RABL2B: variants seen among roughly 807,000 people sequenced by gnomAD.
RABL2B encodes the protein rab-like protein 2B.
A neutral mutation model predicts 26.7 loss-of-function variants in RABL2B; 17 were observed. The ratio of observed to expected loss-of-function variants is 0.64; its 90% CI spans 0.44 to 0.95. RABL2B has a LOEUF of 0.95. Among genes scored for constraint, RABL2B ranks in the 40% least tolerant of loss-of-function variants. RABL2B has a pLI of 0.00. For synonymous variants in RABL2B, 70 were observed against 103.9 expected (o/e 0.67, Z 1.99); for missense variants, 170 against 277.2 (o/e 0.61, Z 2.75).
At chr22:50,769,725 G>C in intron 6 of RABL2B, 173 bp from the exon 7 acceptor site, 1 of 1,095,226 alleles carries the variant, frequency 9.1e-7, no homozygotes, top group Non-Finnish European at 1.3e-6. Flanking sequence ...AAGAGGGCAG[G>C]TCGGCTTAGC....
In RABL2B at chr22:50,767,776, A is replaced by G. The variant is rs2083612234; in HGVS notation, c.*1000T>C. ...TAAAGGAAGCTCTTCTTGTAGTCCA[A>G]ATGGACGTACCTTGTGGTATGGCTG... is the stretch of plus-strand genomic sequence containing the variant. On this transcript the variant is annotated 3_prime_UTR_variant, in exon 9 of 9. Coordinates refer to ENST00000691320, the MANE Select transcript of RABL2B (RefSeq NM_001130919.3). The G allele has an allele frequency of 2.2e-6, 1 of 453,760 alleles. No homozygotes were observed. The highest frequency in any genetic ancestry group is 4.4e-6 in the Non-Finnish European group (1 of 226,182). The allele number at this position is 453,760 out of a possible 1,614,324, so 28.1% of individuals were successfully genotyped here. A position where few individuals can be genotyped will look rare whatever the true frequency, so the allele number is the denominator to read the frequency against.
intron 2 of RABL2B, 86 bp downstream of exon 2, chr22:50,782,102 G>A: frequency 7.9e-6 from 6 of 756,490 alleles, no homozygotes; most frequent in South Asian, 3.7e-5. Context: ...GCCCCAAGAA[G>A]CCATGCTCCT....
chr22:50,777,474 A>C (rs1285705094), intron 3 of RABL2B, among the ~76,000 whole-genome samples: 2 of 142,400 alleles, frequency 1.4e-5, no homozygotes, highest in Admixed American at 1.4e-4. Flanking sequence ...AAAATCTCCC[A>C]GTTGCGGGGA....
rs547279555 is a variant in RABL2B, at chr22:50,776,254, T to G, written c.218-403A>C. Among the ~76,000 whole-genome samples the G allele has an allele frequency of 2.6e-4, 39 of 152,282 alleles. 1 individual carries two copies. The East Asian group carries it at 6.6e-3, about 26-fold the overall frequency. ...CTGTGTGCCCGGCCAAGGAGAAGAT[T>G]ATGACCCGATGGAAGGTCGCAGCCC... is the stretch of plus-strand genomic sequence containing the variant. On this transcript the variant is annotated intron_variant, in intron 4 of 8. Coordinates refer to ENST00000691320, the MANE Select transcript of RABL2B (RefSeq NM_001130919.3).
chr22:50,772,416 G>A, intron 5 of RABL2B: 1 of 985,786 alleles, frequency 1.0e-6, no homozygotes, highest in Non-Finnish European at 1.2e-6. Flanking sequence ...CAACTGAGCT[G>A]CTGCTACAGT....
intron 3 of RABL2B, among the ~76,000 whole-genome samples, chr22:50,777,192 G>A (rs1208438443): frequency 2.0e-5 from 3 of 152,178 alleles, no homozygotes; most frequent in African/African-American, 7.2e-5. Flanking sequence ...AATCAATTTG[G>A]AGTCTGTCTA....
rs1405972731 is a variant in RABL2B, at chr22:50,768,132, C to T, written c.*644G>A. 28 of 194,600 alleles carry T rather than the reference C, an allele frequency of 1.4e-4. No homozygotes were observed. Among genetic ancestry groups the T allele is most frequent in the Non-Finnish European group, 2.6e-4 (24 of 93,346 alleles). The allele number at this position is 194,600 out of a possible 1,614,324, so 12.1% of individuals were successfully genotyped here. Reference sequence around the variant, plus strand: ...GCTGGGCGTGGTGATGCCAGCCACTCGGGAGGCTGAGGCAGGAGAATCGTT... The same window carrying T: ...GCTGGGCGTGGTGATGCCAGCCACTTGGGAGGCTGAGGCAGGAGAATCGTT... On this transcript the variant is annotated 3_prime_UTR_variant, in exon 9 of 9. Transcript: ENST00000691320.
rs2084902319 is a variant in RABL2B, at chr22:50,775,858, T to C, written c.218-7A>G. 3.1e-6 allele frequency: 5 copies of C among 1,614,204 alleles called. No individual in the cohort carries two copies. Among genetic ancestry groups the C allele is most frequent in the Non-Finnish European group, 3.4e-6 (4 of 1,180,040 alleles). ...CCTGCCGTGTCCCAAAAGTCTGCAA[T>C]GTGAACACAGACAGACCTACATGCC... On this transcript the variant is annotated splice_region_variant and splice_polypyrimidine_tract_variant and intron_variant, in intron 4 of 8. Transcript: ENST00000691320.
At position 50,769,561 on chromosome 22, in the gene RABL2B, A is replaced by G; in HGVS notation, c.410-9T>C. 1 of 1,610,208 alleles carries G rather than the reference A, an allele frequency of 6.2e-7. No homozygotes were observed. The highest frequency in any genetic ancestry group is 1.1e-5 in the South Asian group (1 of 91,020). ...GGTCACGTTTATGTCTGCTGTAGAGAGAAGGTAGGACATTGGTCTGTCTGT... is the reference window on the plus strand; with the variant it reads ...GGTCACGTTTATGTCTGCTGTAGAGGGAAGGTAGGACATTGGTCTGTCTGT... On this transcript the variant is annotated splice_polypyrimidine_tract_variant and intron_variant, in intron 6 of 8. Coordinates refer to ENST00000691320, the MANE Select transcript of RABL2B (RefSeq NM_001130919.3).
At chr22:50,776,947 G>A (rs2085081588) in intron 3 of RABL2B, among the ~76,000 whole-genome samples, 198 bp from the exon 4 acceptor site, 1 of 152,198 alleles carries the variant, frequency 6.6e-6, no homozygotes, top group African/African-American at 2.4e-5. Flanking sequence ...AGGGTGAGGG[G>A]TGGGAGGAGA....
Position 50,772,377 on chromosome 22 carries a change from C to G in RABL2B, c.298-2361G>C, listed in dbSNP as rs1191125954. On this transcript the variant is annotated intron_variant, in intron 5 of 8. Transcript: ENST00000691320. ...CAGCAAGAAGGATGAGCACTGCAAA[C>G]CAGCTCTTAAGGGCAGAACTCTGAA... 9.1e-6 allele frequency: 9 copies of G among 985,492 alleles called. No individual in the cohort carries two copies. The African/African-American group carries it at 1.6e-4, about 17-fold the overall frequency. 61.0% of individuals were successfully genotyped at this position (985,492 alleles called of 1,614,324 possible). A position where few individuals can be genotyped will look rare whatever the true frequency, so the allele number is the denominator to read the frequency against.
intron 3 of RABL2B, 32 bp downstream of exon 3, chr22:50,777,920 G>A (rs782473900): frequency 6.2e-6 from 10 of 1,614,130 alleles, no homozygotes; most frequent in Middle Eastern, 1.6e-4. Context: ...AGACCCACAG[G>A]AACAAGGGGT....
intron 4 of RABL2B, 134 bp downstream of exon 4, chr22:50,776,536 T>C: frequency 7.5e-7 from 1 of 1,327,570 alleles, no homozygotes; most frequent in Non-Finnish European, 1.0e-6. Flanking sequence ...GGGTTCTCTC[T>C]AGCACCCCTT....
rs1555915453 is a variant in RABL2B at position 50,768,464 on chromosome 22, G to C, written c.*312C>G. The stretch of plus-strand genomic sequence containing the variant: ...AAACACCTAAATTTCCTGTATTAAA[G>C]TGACACATAATCATGTTTTCTGATT... On this transcript the variant is annotated 3_prime_UTR_variant, in exon 9 of 9. Coordinates refer to ENST00000691320, the MANE Select transcript of RABL2B (RefSeq NM_001130919.3). The C allele has an allele frequency of 2.1e-6, 1 of 466,006 alleles. No individual in the cohort carries two copies. The highest frequency in any genetic ancestry group is 3.7e-5 in the Admixed American group (1 of 26,862). The allele number at this position is 466,006 out of a possible 1,614,324, so 28.9% of individuals were successfully genotyped here.
chr22:50,774,043 C>T (rs1489186597), intron 5 of RABL2B, among the ~76,000 whole-genome samples: 25 of 152,232 alleles, frequency 1.6e-4, no homozygotes, highest in African/African-American at 4.8e-4. Flanking sequence ...TACAGGCGCC[C>T]GCTACCACGC....
At chr22:50,779,430 T>A (rs549166144) in intron 2 of RABL2B, among the ~76,000 whole-genome samples, 1 of 151,628 alleles carries the variant, frequency 6.6e-6, no homozygotes, top group African/African-American at 2.4e-5. Context: ...CACAACTCCC[T>A]CAGGATAATG....
chr22:50,770,862 TAC>T (rs1555917802), intron 5 of RABL2B, among the ~76,000 whole-genome samples: 1 of 150,126 alleles, frequency 6.7e-6, no homozygotes, highest in African/African-American at 2.5e-5. Context: ...GGAATCCTCC[TAC>T]CTCAGCCTCC....
intron 5 of RABL2B, among the ~76,000 whole-genome samples, chr22:50,775,169 C>T (rs1488097607): frequency 3.3e-5 from 5 of 152,192 alleles, no homozygotes; most frequent in African/African-American, 1.2e-4. Context: ...AGGGAATTCA[C>T]GGGTAGGAAC....
chr22:50,782,504 G>C (rs1407725471), intron 1 of RABL2B, among the ~76,000 whole-genome samples, 157 bp from the exon 2 acceptor site: 3 of 152,340 alleles, frequency 2.0e-5, no homozygotes, highest in East Asian at 3.9e-4. Flanking sequence ...TGACACACAG[G>C]CATCAATAAT....
Sources: gnomAD v4.1 joint callset for allele counts (sites outside exome capture counted in the v4.1 genomes callset) on GRCh38, gnomAD v4.1.1 for gene constraint, MANE v1.5 for transcripts, NCBI Gene and HGNC (gene_info 2026-07-23, HGNC 2026-07-21) for gene names.